ACYP2: variants seen among roughly 807,000 people sequenced by gnomAD.
ACYP2 encodes acylphosphatase-2.
In ACYP2, 12 loss-of-function variants were observed where a neutral mutation model predicts 11.2. The ratio of observed to expected loss-of-function variants is 1.08; its 90% CI spans 0.69 to 1.74. ACYP2 has a LOEUF of 1.74. Among genes scored for constraint, ACYP2 ranks in the 40% most tolerant of loss-of-function variants. The pLI is 0.00. For synonymous variants in ACYP2, 43 were observed against 32.2 expected (o/e 1.33, Z -1.13); for missense variants, 134 against 101.9 (o/e 1.31, Z -1.35).
chr2:54,277,443 G>T (rs1425356814), intron 6 of ACYP2, among the ~76,000 whole-genome samples: 1 of 152,198 alleles, frequency 6.6e-6, no homozygotes, highest in East Asian at 1.9e-4. Context: ...ACTTTGGGAG[G>T]TTGAGGCGGG....
At chr2:54,043,083 G>GTT (rs1675329054) in intron 2 of ACYP2, among the ~76,000 whole-genome samples, 2 of 152,070 alleles carry the variant, frequency 1.3e-5, no homozygotes, top group African/African-American at 4.8e-5. Flanking sequence ...GTGTGTGTGT[G>GTT]TGTGTGTGTG....
chr2:54,242,900 A>C (rs1686790924), intron 6 of ACYP2, among the ~76,000 whole-genome samples: 1 of 152,262 alleles, frequency 6.6e-6, no homozygotes, highest in Admixed American at 6.5e-5. Context: ...CCAGTCATTA[A>C]ATGATGCATG....
intron 6 of ACYP2, among the ~76,000 whole-genome samples, chr2:54,168,811 A>G (rs1413638853): frequency 1.3e-5 from 2 of 152,208 alleles, no homozygotes; most frequent in African/African-American, 4.8e-5. Flanking sequence ...TAACACATTA[A>G]TTGTAATTGT....
intron 6 of ACYP2, among the ~76,000 whole-genome samples, chr2:54,295,304 C>T (rs1689480870): frequency 6.6e-6 from 1 of 152,190 alleles, no homozygotes; most frequent in Admixed American, 6.5e-5. Flanking sequence ...CCATAGGCCT[C>T]CAATGTTCTT....
chr2:54,227,468 G>A (rs561238694), intron 6 of ACYP2, among the ~76,000 whole-genome samples: 2 of 152,038 alleles, frequency 1.3e-5, no homozygotes, highest in South Asian at 2.1e-4. Context: ...GTGAAAGCCC[G>A]TCTCTACTAA....
chr2:54,261,168 A>G (rs1163455585), intron 6 of ACYP2, among the ~76,000 whole-genome samples: 3 of 152,198 alleles, frequency 2.0e-5, no homozygotes, highest in African/African-American at 7.2e-5. Flanking sequence ...TTATTCTTTG[A>G]GTTCATTGTG....
chr2:54,270,485 G>A (rs905065844), intron 6 of ACYP2, among the ~76,000 whole-genome samples: 5 of 152,160 alleles, frequency 3.3e-5, no homozygotes, highest in African/African-American at 1.2e-4. Context: ...GCACACATCT[G>A]TAGTCCCACC....
At chr2:54,166,514 A>G (rs1446017748) in intron 6 of ACYP2, among the ~76,000 whole-genome samples, 1 of 152,184 alleles carries the variant, frequency 6.6e-6, no homozygotes, top group African/African-American at 2.4e-5. Flanking sequence ...TGCCCTGTCA[A>G]TGCCAAGGCG....
At chr2:53,986,061 A>T (rs1266394169) in intron 2 of ACYP2, among the ~76,000 whole-genome samples, 1 of 152,110 alleles carries the variant, frequency 6.6e-6, no homozygotes, top group Non-Finnish European at 1.5e-5. Flanking sequence ...CTGGAGGCAG[A>T]GGTTGCTGTG....
At chr2:54,252,761 G>A (rs1419006813) in intron 6 of ACYP2, among the ~76,000 whole-genome samples, 1 of 151,964 alleles carries the variant, frequency 6.6e-6, no homozygotes, top group Non-Finnish European at 1.5e-5. Context: ...AAAATTAGCC[G>A]GGCGTGGTTG....
chr2:54,102,412 C>G (rs1190960161), intron 4 of ACYP2, among the ~76,000 whole-genome samples: 2 of 152,010 alleles, frequency 1.3e-5, no homozygotes, highest in Admixed American at 1.3e-4. Context: ...TTGATTGATT[C>G]AAGAACTCAA....
chr2:54,102,973 C>A (rs1678978840), intron 4 of ACYP2, among the ~76,000 whole-genome samples: 1 of 152,166 alleles, frequency 6.6e-6, no homozygotes, highest in South Asian at 2.1e-4. Flanking sequence ...TTGTGTCCAT[C>A]CCTACCTCTC....
intron 2 of ACYP2, among the ~76,000 whole-genome samples, chr2:54,022,971 C>T (rs1674082616): frequency 6.6e-6 from 1 of 152,212 alleles, no homozygotes; most frequent in Non-Finnish European, 1.5e-5. Flanking sequence ...ACTGTTTCTT[C>T]AGCTCTGGTT....
intron 2 of ACYP2, among the ~76,000 whole-genome samples, chr2:54,043,672 A>T (rs193234189): frequency 2.1e-4 from 32 of 152,344 alleles, no homozygotes; most frequent in Admixed American, 3.9e-4. Flanking sequence ...ATGTTTTATT[A>T]TATAAAGGGG....
chr2:54,254,399 CAA>C, intron 6 of ACYP2: 1 of 153,838 alleles, frequency 6.5e-6, no homozygotes, highest in Non-Finnish European at 1.4e-5. Context: ...TAGCAGGCAG[CAA>C]TAGGTGACCA....
intron 2 of ACYP2, among the ~76,000 whole-genome samples, chr2:53,977,721 C>G (rs1375893457): frequency 7.7e-6 from 1 of 130,162 alleles, no homozygotes; most frequent in Non-Finnish European, 1.6e-5. Context: ...GGTGGCAGAG[C>G]AAGACTCCAT....
Position 54,123,585 on chromosome 2 carries a change from C to G in ACYP2, c.278-11868C>G, listed in dbSNP as rs184486456. Among the ~76,000 whole-genome samples, 179 of 152,182 alleles carry G rather than the reference C, an allele frequency of 1.2e-3. 1 individual carries two copies. Among genetic ancestry groups the G allele is most frequent in the Admixed American group, 0.01 (157 of 15,274 alleles). The stretch of plus-strand genomic sequence containing the variant: ...GAACATTTCCATCACCCCTCCTTCC[C>G]TTTACCAGCTGCTTCCCATTCCCCA... On this transcript the variant is annotated intron_variant, in intron 4 of 6. Transcript: ENST00000607452.
chr2:54,123,291 T>C, intron 4 of ACYP2: 1 of 398,512 alleles, frequency 2.5e-6, no homozygotes, highest in Non-Finnish European at 4.4e-6. Context: ...TTAGTTCTAC[T>C]TGCCGTACTT....
intron 2 of ACYP2, among the ~76,000 whole-genome samples, chr2:54,021,013 T>C (rs1334653756): frequency 6.6e-6 from 1 of 152,194 alleles, no homozygotes; most frequent in African/African-American, 2.4e-5. Context: ...GATGGAGCAA[T>C]GGCGAGAGCA....
Sources: gnomAD v4.1 joint callset for allele counts (sites outside exome capture counted in the v4.1 genomes callset) on GRCh38, gnomAD v4.1.1 for gene constraint, MANE v1.5 for transcripts, NCBI Gene and HGNC (gene_info 2026-07-23, HGNC 2026-07-21) for gene names.